IL19: variants seen among roughly 807,000 people sequenced by gnomAD.
IL19 encodes interleukin-19.
A neutral mutation model predicts 19.5 loss-of-function variants in IL19; 15 were observed. The ratio of observed to expected loss-of-function variants is 0.77; its 90% CI spans 0.52 to 1.19. IL19 has a LOEUF of 1.19. Ranked by LOEUF, IL19 falls within the 50% of genes most tolerant of loss-of-function variation. IL19 has a pLI of 0.00. For missense variants in IL19, 199 were observed against 213.1 expected (o/e 0.93, Z 0.41); for synonymous variants, 78 against 78.3 (o/e 1.00, Z 0.02).
chr1:206,835,159 G>A (rs1161392022), intron 2 of IL19, among the ~76,000 whole-genome samples: 8 of 152,176 alleles, frequency 5.3e-5, no homozygotes, highest in Admixed American at 3.9e-4. Context: ...GGCATGGGAT[G>A]AGCAGGCAAT....
intron 2 of IL19, chr1:206,829,245 G>C (rs1161848915): frequency 6.6e-6 from 1 of 152,056 alleles, no homozygotes; most frequent in African/African-American, 2.4e-5. Flanking sequence ...CAGTTAACTT[G>C]GAATTTCAGG....
intron 2 of IL19, among the ~76,000 whole-genome samples, chr1:206,816,136 A>C (rs1480054301): frequency 2.0e-5 from 3 of 152,186 alleles, no homozygotes; most frequent in Non-Finnish European, 4.4e-5. Flanking sequence ...TTTCAGGCAT[A>C]TAAAAGTTGA....
At chr1:206,786,814 A>G (rs1675279086) in intron 1 of IL19, among the ~76,000 whole-genome samples, 2 of 152,158 alleles carry the variant, frequency 1.3e-5, no homozygotes. Flanking sequence ...AGGTTTATTC[A>G]GCTGTAGTTA....
intron 1 of IL19, among the ~76,000 whole-genome samples, chr1:206,778,611 C>T (rs1004633664): frequency 3.9e-5 from 6 of 152,218 alleles, no homozygotes; most frequent in Non-Finnish European, 7.3e-5. Flanking sequence ...CCTTACTCTG[C>T]TACCACCATC....
chr1:206,774,039 A>G (rs2102442651), intron 1 of IL19, among the ~76,000 whole-genome samples: 1 of 152,338 alleles, frequency 6.6e-6, no homozygotes, highest in East Asian at 1.9e-4. Flanking sequence ...TGCATCAGCA[A>G]TGGGACAACT....
chr1:206,836,744 T>C lies in IL19; in HGVS notation c.82T>C (p.Cys28Arg), dbSNP rs1188043051. The C allele has an allele frequency of 1.2e-6, 2 of 1,614,058 alleles. No homozygotes were observed. Among genetic ancestry groups the C allele is most frequent in the Non-Finnish European group, 1.7e-6 (2 of 1,179,946 alleles). Residue 28 changes from cysteine to arginine, a missense_variant, in exon 3 of 7, where the codon TGT becomes CGT. Coordinates refer to ENST00000659997, the MANE Select transcript of IL19 (RefSeq NM_153758.5). Reference protein sequence around the residue: ...CSVDNHGLRRCLISTDMHHIE... With the variant: ...CSVDNHGLRRRLISTDMHHIE... ...AGTAGACAACCACGGTCTCAGGAGATGTCTGATTTCCACAGACATGCACCA... is the reference window on the plus strand; with the variant it reads ...AGTAGACAACCACGGTCTCAGGAGACGTCTGATTTCCACAGACATGCACCA...
intron 2 of IL19, chr1:206,833,877 C>T (rs1676694532): frequency 1.0e-6 from 1 of 985,368 alleles, no homozygotes; most frequent in Non-Finnish European, 1.2e-6. Flanking sequence ...TTAGCTAGCA[C>T]CTGGCACATG....
At chr1:206,801,068 G>A (rs75966928) in intron 2 of IL19, among the ~76,000 whole-genome samples, 1,524 of 152,134 alleles carry the variant, frequency 0.01, 24 homozygotes, top group African/African-American at 0.034. Flanking sequence ...TCCTCAGAAA[G>A]CACTGGATCT....
At chr1:206,784,806 A>AGCAATTATCT (rs1489258464) in intron 1 of IL19, among the ~76,000 whole-genome samples, 7 of 152,392 alleles carry the variant, frequency 4.6e-5, no homozygotes, top group Non-Finnish European at 8.8e-5. Context: ...TGCGTTCTCA[A>AGCAATTATCT]GCAATTATCT....
At chr1:206,821,348 A>G (rs1315445302) in intron 2 of IL19, among the ~76,000 whole-genome samples, 1 of 152,260 alleles carries the variant, frequency 6.6e-6, no homozygotes, top group Non-Finnish European at 1.5e-5. Flanking sequence ...AAGTCCATAA[A>G]GCATTTGGAG....
chr1:206,781,414 C>CAAAAAAAAAAAAAAAAAAAA (rs57060549), intron 1 of IL19, among the ~76,000 whole-genome samples: 74 of 42,970 alleles, frequency 1.7e-3, no homozygotes, highest in Non-Finnish European at 2.2e-3. Flanking sequence ...GACTCTGTCT[C>CAAAAAAAAAAAAAAAAAAAA]AAAAAAAAAA....
intron 2 of IL19, among the ~76,000 whole-genome samples, chr1:206,819,020 C>T (rs1676229682): frequency 6.6e-6 from 1 of 151,354 alleles, no homozygotes; most frequent in South Asian, 2.1e-4. Flanking sequence ...ACTGTGTTGG[C>T]CAGGCTGGTC....
At chr1:206,838,785 CCT>C in intron 4 of IL19, among the ~76,000 whole-genome samples, 1 of 139,180 alleles carries the variant, frequency 7.2e-6, no homozygotes, top group South Asian at 2.2e-4. Flanking sequence ...CCTTCCCTTC[CCT>C]TCCCTTCCCT....
intron 1 of IL19, among the ~76,000 whole-genome samples, chr1:206,778,048 T>G (rs1265814711): frequency 6.6e-6 from 1 of 152,198 alleles, no homozygotes; most frequent in Non-Finnish European, 1.5e-5. Context: ...TACTTCAGAA[T>G]AAACGCCTGG....
chr1:206,830,186 C>T (rs1408963952), intron 2 of IL19, among the ~76,000 whole-genome samples: 1 of 152,110 alleles, frequency 6.6e-6, no homozygotes, highest in Non-Finnish European at 1.5e-5. Flanking sequence ...AGCAGTTGTG[C>T]CACTTCCTTG....
At chr1:206,775,189 T>C (rs1434243391) in intron 1 of IL19, among the ~76,000 whole-genome samples, 4 of 151,934 alleles carry the variant, frequency 2.6e-5, no homozygotes, top group Non-Finnish European at 5.9e-5. Flanking sequence ...TACAGGCGCC[T>C]GGCACCACGC....
intron 2 of IL19, among the ~76,000 whole-genome samples, chr1:206,819,580 TA>T (rs35953153): frequency 3.2e-4 from 47 of 145,232 alleles, no homozygotes; most frequent in East Asian, 4.0e-4. Flanking sequence ...AGACTCCGTC[TA>T]AAAAAAAAAA....
intron 1 of IL19, among the ~76,000 whole-genome samples, chr1:206,794,662 A>G (rs1056354973): frequency 7.9e-5 from 12 of 152,126 alleles, no homozygotes; most frequent in African/African-American, 2.9e-4. Flanking sequence ...TCACAAGGTG[A>G]GCAATAGGTT....
At chr1:206,775,653 G>A (rs1027830359) in intron 1 of IL19, among the ~76,000 whole-genome samples, 1 of 152,174 alleles carries the variant, frequency 6.6e-6, no homozygotes, top group Non-Finnish European at 1.5e-5. Flanking sequence ...CAACAAACAG[G>A]ACTCCTATTT....
Sources: allele counts gnomAD v4.1 joint callset (sites outside exome capture counted in the v4.1 genomes callset), GRCh38; gene constraint gnomAD v4.1.1; transcripts MANE v1.5; gene names NCBI Gene and HGNC (gene_info 2026-07-23, HGNC 2026-07-21).